UBE2U: variants seen among roughly 807,000 people sequenced by gnomAD.
UBE2U encodes the protein ubiquitin conjugating enzyme E2 U.
A neutral mutation model predicts 41.2 loss-of-function variants in UBE2U; 39 were observed. The ratio of observed to expected loss-of-function variants is 0.95; its 90% CI spans 0.73 to 1.24. UBE2U has a LOEUF of 1.24. Ranked by LOEUF, UBE2U falls within the 50% of genes most tolerant of loss-of-function variation. The pLI, the probability that UBE2U is intolerant of heterozygous loss-of-function variation, is 0.00. For synonymous variants in UBE2U, 107 were observed against 117.8 expected, an observed-to-expected ratio of 0.91 and a Z score of 0.60; for missense variants, 336 against 363.1, an observed-to-expected ratio of 0.93 and a Z score of 0.61.
At chr1:64,247,411 T>C (rs1435046392) in intron 8 of UBE2U, among the ~76,000 whole-genome samples, 2 of 152,282 alleles carry the variant, frequency 1.3e-5, no homozygotes, top group East Asian at 3.9e-4. Flanking sequence ...AAATCTTATG[T>C]TGATATTTGA....
intron 8 of UBE2U, chr1:64,244,316 GATATAA>G (rs1368745534): frequency 1.0e-6 from 1 of 992,592 alleles, no homozygotes; most frequent in Non-Finnish European, 1.2e-6. Flanking sequence ...TTTCATTCGA[GATATAA>G]ATAAAAATTA....
At chr1:64,239,111 G>GGAAGA (rs1553168929) in intron 7 of UBE2U, among the ~76,000 whole-genome samples, 2 of 26,858 alleles carry the variant, frequency 7.4e-5, no homozygotes, top group African/African-American at 6.8e-4. Flanking sequence ...AGAAGAAGAA[G>GGAAGA]AAGAAGAAGA....
At chr1:64,238,177 G>C (rs1644704549) in intron 7 of UBE2U, among the ~76,000 whole-genome samples, 1 of 152,184 alleles carries the variant, frequency 6.6e-6, no homozygotes, top group Admixed American at 6.5e-5. Flanking sequence ...GGCCAAGACA[G>C]GTGGATCAGT....
chr1:64,245,351 G>A (rs1177372351), intron 8 of UBE2U, among the ~76,000 whole-genome samples: 1 of 152,082 alleles, frequency 6.6e-6, no homozygotes, highest in Admixed American at 6.6e-5. Flanking sequence ...CTGTTCTTTC[G>A]AGTGTTCTTG....
In UBE2U at chr1:64,220,925, C is replaced by T. The variant is rs771275436; in HGVS notation, c.506+18C>T. The T allele has an allele frequency of 7.7e-6, 12 of 1,558,628 alleles. No individual in the cohort carries two copies. Among genetic ancestry groups the T allele is most frequent in the South Asian group, 2.3e-5 (2 of 85,192 alleles). On this transcript the variant is annotated intron_variant, in intron 6 of 9. Coordinates refer to ENST00000371077, the MANE Select transcript of UBE2U (RefSeq NM_001366232.2). ...TGTATCAGGTAAGTTTTTCTTTATACAATTTATGTCGATTTATTTACCAAA... is the reference window on the plus strand; with the variant it reads ...TGTATCAGGTAAGTTTTTCTTTATATAATTTATGTCGATTTATTTACCAAA...
chr1:64,256,259 G>C (rs868426218), intron 8 of UBE2U, among the ~76,000 whole-genome samples: 2 of 152,118 alleles, frequency 1.3e-5, no homozygotes, highest in African/African-American at 4.8e-5. Flanking sequence ...CACAGAATTA[G>C]AAGAAACTAT....
chr1:64,218,984 G>A (rs1388184464), intron 5 of UBE2U, among the ~76,000 whole-genome samples: 1 of 152,102 alleles, frequency 6.6e-6, no homozygotes, highest in African/African-American at 2.4e-5. Context: ...CAGTTCTCTT[G>A]CAGGTGTGCT....
rs1644588502 is a variant in UBE2U, at chr1:64,232,595, C to A, written c.541C>A (p.Gln181Lys). ...AACAACCTCATTTAGTGATTACTAC[C>A]AGACATGGTCCAGAATAGCTACATC... ...IKTTSFSDYY[Q>K]TWSRIATSKA... The change falls in exon 7 of 10, where the codon CAG becomes AAG. Residue 181 changes from glutamine (Q) to lysine (K), a missense_variant. Physicochemically the swap from Gln to Lys is moderately conservative, Grantham distance 53. Coordinates refer to ENST00000371077, the MANE Select transcript of UBE2U (RefSeq NM_001366232.2). 1 of 1,613,394 alleles carries A rather than the reference C, an allele frequency of 6.2e-7. No homozygotes were observed. Among genetic ancestry groups the A allele is most frequent in the African/African-American group, 1.3e-5 (1 of 75,020 alleles).
chr1:64,260,499 C>T, intron 8 of UBE2U, 104 bp from the exon 9 acceptor site: 1 of 833,066 alleles, frequency 1.2e-6, no homozygotes, highest in East Asian at 2.7e-5. Context: ...GCCTATTGTT[C>T]TACTTTTATG....
At position 64,256,395 on chromosome 1, in the gene UBE2U, A is replaced by G. The variant is rs181063294; in HGVS notation, c.678-4208A>G. 1.8e-3 allele frequency among the ~76,000 whole-genome samples: 268 copies of G among 152,346 alleles called. 1 individual carries two copies. The highest frequency in any genetic ancestry group is 6.2e-3 in the African/African-American group (258 of 41,584). On this transcript the variant is annotated intron_variant, in intron 8 of 9. Transcript: ENST00000371077. ...ACTGCAAGGTTACTGTAACCAAAAC[A>G]GCATGATACTAGTACAAGAACAGAG...
intron 8 of UBE2U, among the ~76,000 whole-genome samples, chr1:64,257,476 T>C (rs1570147557): frequency 6.6e-6 from 1 of 151,254 alleles, no homozygotes; most frequent in Non-Finnish European, 1.5e-5. Context: ...ATGGATGGAG[T>C]CGGAAGCCAT....
intron 6 of UBE2U, among the ~76,000 whole-genome samples, chr1:64,228,927 C>T (rs1188655126): frequency 6.9e-6 from 1 of 144,188 alleles, no homozygotes; most frequent in Non-Finnish European, 1.5e-5. Context: ...GTGGCGCGAT[C>T]TCAGCTCACG....
Position 64,206,849 on chromosome 1 carries a change from TC to T in UBE2U, c.236del (p.Pro79GlnfsTer3). 1 of 1,581,066 alleles carries T rather than the reference TC, an allele frequency of 6.3e-7. No homozygotes were observed. Among genetic ancestry groups the T allele is most frequent in the Non-Finnish European group, 8.7e-7 (1 of 1,152,876 alleles). ...VVKFITIPFHPNVDPHTGQPC... is the reference protein window; with the variant it reads ...VVKFITIPFHXNVDPHTGQPC... Reference sequence around the variant, plus strand: ...TGAAATTTATAACAATTCCGTTTCATCCAAATGGTAAGAACTAAATGACATT... The same window carrying T: ...TGAAATTTATAACAATTCCGTTTCATCAAATGGTAAGAACTAAATGACATT... On this transcript the variant is annotated frameshift_variant, in exon 3 of 10. Transcript: ENST00000371077. LOFTEE classifies it high-confidence loss of function.
At chr1:64,253,456 A>G (rs1177317237) in intron 8 of UBE2U, among the ~76,000 whole-genome samples, 1 of 152,186 alleles carries the variant, frequency 6.6e-6, no homozygotes, top group East Asian at 1.9e-4. Context: ...CCCAAGACAC[A>G]TAATCATCAG....
chr1:64,218,820 T>C (rs1047792029), intron 5 of UBE2U, among the ~76,000 whole-genome samples: 6 of 152,234 alleles, frequency 3.9e-5, no homozygotes, highest in African/African-American at 1.4e-4. Flanking sequence ...TTTACATTCC[T>C]TTGTTTTTTA....
At chr1:64,239,813 G>C (rs1004796884) in intron 7 of UBE2U, among the ~76,000 whole-genome samples, 1 of 152,088 alleles carries the variant, frequency 6.6e-6, no homozygotes, top group African/African-American at 2.4e-5. Flanking sequence ...ATTGTGAATA[G>C]TGCCACAGTA....
At chr1:64,247,905 C>T (rs895347297) in intron 8 of UBE2U, among the ~76,000 whole-genome samples, 1 of 151,416 alleles carries the variant, frequency 6.6e-6, no homozygotes, top group Non-Finnish European at 1.5e-5. Context: ...TTTCCCCTCC[C>T]TCTCTTGCCT....
chr1:64,239,100 A>G (rs1311457537), intron 7 of UBE2U, among the ~76,000 whole-genome samples: 1 of 6,742 alleles, frequency 1.5e-4, no homozygotes, highest in African/African-American at 1.0e-3. Context: ...GAGGAAGAAG[A>G]AGAAGAAGAA....
At chr1:64,247,065 G>A (rs1644932030) in intron 8 of UBE2U, among the ~76,000 whole-genome samples, 1 of 150,248 alleles carries the variant, frequency 6.7e-6, no homozygotes, top group African/African-American at 2.4e-5. Context: ...TCTGCTTTGT[G>A]AAATTGCCCT....
Sources: gnomAD v4.1 joint callset for allele counts (sites outside exome capture counted in the v4.1 genomes callset) on GRCh38, gnomAD v4.1.1 for gene constraint, MANE v1.5 for transcripts, NCBI Gene and HGNC (gene_info 2026-07-23, HGNC 2026-07-21) for gene names.